SLC30A8: variants seen among roughly 807,000 people sequenced by gnomAD.
SLC30A8 encodes the protein proton-coupled zinc antiporter SLC30A8.
In SLC30A8, 27 loss-of-function variants were observed where a neutral mutation model predicts 36.9. The ratio of observed to expected loss-of-function variants is 0.73; its 90% CI spans 0.54 to 1.01. The LOEUF is 1.01. Among genes scored for constraint, SLC30A8 ranks in the 50% least tolerant of loss-of-function variants. The pLI is 0.00. For missense variants in SLC30A8, 439 were observed against 452.0 expected (o/e 0.97, Z 0.26); for synonymous variants, 164 against 172.4 (o/e 0.95, Z 0.38).
intron 1 of SLC30A8, among the ~76,000 whole-genome samples, chr8:117,025,815 A>C (rs950862475): frequency 2.6e-5 from 4 of 152,180 alleles, no homozygotes; most frequent in Admixed American, 2.6e-4. Flanking sequence ...TTTCAGGGAA[A>C]GATGCTACTA....
intron 1 of SLC30A8, among the ~76,000 whole-genome samples, chr8:117,017,659 G>C (rs916573446): frequency 5.3e-5 from 8 of 152,304 alleles, no homozygotes; most frequent in African/African-American, 1.9e-4. Flanking sequence ...AACAATTTCA[G>C]AATACCTGTG....
At chr8:117,028,268 T>C (rs1341065386) in intron 1 of SLC30A8, among the ~76,000 whole-genome samples, 2 of 152,200 alleles carry the variant, frequency 1.3e-5, no homozygotes, top group Non-Finnish European at 2.9e-5. Flanking sequence ...GATGGAAATG[T>C]TAATAGTGGT....
chr8:117,021,737 C>T (rs893380539), intron 1 of SLC30A8, among the ~76,000 whole-genome samples: 2 of 152,160 alleles, frequency 1.3e-5, no homozygotes, highest in Non-Finnish European at 2.9e-5. Flanking sequence ...AGGGTTTACA[C>T]AACCATATAT....
intron 4 of SLC30A8, 104 bp downstream of exon 4, chr8:117,157,948 G>A: frequency 7.8e-7 from 1 of 1,278,324 alleles, no homozygotes; most frequent in Non-Finnish European, 1.1e-6. Flanking sequence ...AGATGGTAGA[G>A]ACTGGACAGA....
At chr8:117,000,356 G>A (rs1324413233) in intron 1 of SLC30A8, among the ~76,000 whole-genome samples, 1 of 152,140 alleles carries the variant, frequency 6.6e-6, no homozygotes, top group Non-Finnish European at 1.5e-5. Flanking sequence ...CTCACTGTGG[G>A]CCCTGACGCT....
chr8:117,049,908 T>C (rs1053458247), intron 2 of SLC30A8, among the ~76,000 whole-genome samples: 3 of 152,212 alleles, frequency 2.0e-5, no homozygotes, highest in African/African-American at 7.2e-5. Context: ...ACAATCTTCC[T>C]GATATATAGG....
chr8:117,154,295 G>A (rs894412547), intron 3 of SLC30A8, among the ~76,000 whole-genome samples: 7 of 150,924 alleles, frequency 4.6e-5, no homozygotes, highest in African/African-American at 1.7e-4. Context: ...TCTCCTCTGT[G>A]TTATTCCTTC....
At chr8:117,070,010 T>A (rs1234623146) in intron 2 of SLC30A8, among the ~76,000 whole-genome samples, 2 of 152,252 alleles carry the variant, frequency 1.3e-5, no homozygotes, top group Non-Finnish European at 2.9e-5. Context: ...CTCTTTCACA[T>A]TCAAACTCAA....
rs112530669 is a variant in SLC30A8 at position 117,016,394 on chromosome 8, A to G, written c.-265-22825A>G. Reference sequence around the variant, plus strand: ...ATGTCAGACTATAGTTGGGCTGGGCACTGCAGAAAGAGGAAAATCAAGTTA... The same window carrying G: ...ATGTCAGACTATAGTTGGGCTGGGCGCTGCAGAAAGAGGAAAATCAAGTTA... On this transcript the variant is annotated intron_variant, in intron 1 of 10. Coordinates refer to the SLC30A8 transcript ENST00000427715. Among the ~76,000 whole-genome samples, 365 of 152,312 alleles carry G rather than the reference A, an allele frequency of 2.4e-3. 2 individuals are homozygous for G. The highest frequency in any genetic ancestry group is 8.5e-3 in the African/African-American group (355 of 41,576).
In SLC30A8 at chr8:117,175,055, C is replaced by A. The variant is rs979488668; in HGVS notation, c.*2374C>A. Reference sequence around the variant, plus strand: ...GTTAGTGGAATCATGTAGTTGAATTCTTTACTTCAAGACATTGTATTCTCT... The same window carrying A: ...GTTAGTGGAATCATGTAGTTGAATTATTTACTTCAAGACATTGTATTCTCT... On this transcript the variant is annotated 3_prime_UTR_variant, in exon 8 of 8. Coordinates refer to ENST00000456015, the MANE Select transcript of SLC30A8 (RefSeq NM_173851.3). The A allele has an allele frequency of 2.6e-5, 4 of 152,032 alleles. No individual in the cohort carries two copies. Among genetic ancestry groups the A allele is most frequent in the Non-Finnish European group, 4.4e-5 (3 of 67,986 alleles). The allele number at this position is 152,032 out of a possible 1,614,324, so 9.4% of individuals were successfully genotyped here. A position where few individuals can be genotyped will look rare whatever the true frequency, so the allele number is the denominator to read the frequency against.
intron 1 of SLC30A8, among the ~76,000 whole-genome samples, chr8:116,986,076 C>A (rs573351840): frequency 6.6e-6 from 1 of 151,832 alleles, no homozygotes; most frequent in African/African-American, 2.4e-5. Context: ...AGGAAATATC[C>A]CACCCGTCAC....
At chr8:117,019,747 T>A (rs1207517122) in intron 1 of SLC30A8, among the ~76,000 whole-genome samples, 1 of 152,132 alleles carries the variant, frequency 6.6e-6, no homozygotes, top group Non-Finnish European at 1.5e-5. Context: ...TGGGATGGTG[T>A]GTTGGAAGAA....
intron 2 of SLC30A8, among the ~76,000 whole-genome samples, chr8:117,046,573 A>C (rs1183168965): frequency 2.0e-5 from 3 of 152,234 alleles, no homozygotes; most frequent in Admixed American, 6.5e-5. Flanking sequence ...AAGGGAACTA[A>C]AATTTATTGA....
At chr8:117,167,432 C>T (rs1206078516) in intron 6 of SLC30A8, among the ~76,000 whole-genome samples, 1 of 150,892 alleles carries the variant, frequency 6.6e-6, no homozygotes, top group Non-Finnish European at 1.5e-5. Context: ...AGGGATAATA[C>T]CTGTTAATAA....
chr8:116,960,358 AT>A (rs1814376271), intron 1 of SLC30A8, among the ~76,000 whole-genome samples: 1 of 152,218 alleles, frequency 6.6e-6, no homozygotes, highest in Admixed American at 6.5e-5. Flanking sequence ...ACAGAAGAAG[AT>A]AGAAAGTTCA....
intron 2 of SLC30A8, 104 bp downstream of exon 2, chr8:117,147,257 G>A: frequency 2.0e-6 from 2 of 977,810 alleles, no homozygotes; most frequent in South Asian, 1.6e-5. Flanking sequence ...AATATTTTCT[G>A]TAAGTATAAG....
exon 2 of SLC30A8, chr8:117,039,251 G>C (rs1389488898): frequency 6.6e-6 from 1 of 152,174 alleles, no homozygotes; most frequent in Non-Finnish European, 1.5e-5. Context: ...CAACAGCACA[G>C]TACCTAGGTA....
chr8:116,987,487 T>C (rs577624268), intron 1 of SLC30A8, among the ~76,000 whole-genome samples: 31 of 152,248 alleles, frequency 2.0e-4, no homozygotes, highest in African/African-American at 6.7e-4. Context: ...TTGTCTAGGC[T>C]AGGCTAGACT....
rs1823450656 is a variant in SLC30A8, at chr8:117,172,723, T to C, written c.*42T>C. The C allele has an allele frequency of 1.2e-6, 2 of 1,609,132 alleles. No individual in the cohort carries two copies. The highest frequency in any genetic ancestry group is 1.7e-6 in the Non-Finnish European group (2 of 1,175,964). On this transcript the variant is annotated 3_prime_UTR_variant, in exon 8 of 8. Transcript: ENST00000456015. ...GTTTCCCAAATTTGACAGGCCACCT[T>C]CAAACATGCTGCTATGCAGTTTCTG...
Sources: gnomAD v4.1 joint callset for allele counts (sites outside exome capture counted in the v4.1 genomes callset) on GRCh38, gnomAD v4.1.1 for gene constraint, MANE v1.5 for transcripts, NCBI Gene and HGNC (gene_info 2026-07-23, HGNC 2026-07-21) for gene names.